The following STAR variants were observed in gnomAD, a reference collection of about 807,000 sequenced individuals.
The protein encoded by STAR is steroidogenic acute regulatory protein, also known as steroidogenic acute regulatory protein, mitochondrial.
STAR carries 32 observed loss-of-function variants against 32.3 expected under a neutral mutation model. The ratio of observed to expected loss-of-function variants is 0.99; its 90% confidence interval spans 0.75 to 1.33. STAR has a LOEUF of 1.33. Ranked by LOEUF, STAR falls within the 40% of genes most tolerant of loss-of-function variation. The pLI is 0.00. For synonymous variants in STAR, 134 were observed against 140.5 expected (o/e 0.95, Z 0.33); for missense variants, 375 against 379.0 (o/e 0.99, Z 0.09).
At chr8:38,149,323 C>T (rs1327740919) in intron 1 of STAR, among the ~76,000 whole-genome samples, 2 of 152,190 alleles carry the variant, frequency 1.3e-5, no homozygotes, top group African/African-American at 2.4e-5. Flanking sequence ...CATGGCTTCT[C>T]GCTCTAAAGG....
At position 38,145,952 on chromosome 8, in the gene STAR, G is replaced by A. The variant is rs1279009413; in HGVS notation, c.650+11C>T. 5 of 1,613,054 alleles carry A rather than the reference G, an allele frequency of 3.1e-6. No homozygotes were observed. Among genetic ancestry groups the A allele is most frequent in the Non-Finnish European group, 4.2e-6 (5 of 1,180,030 alleles). On this transcript the variant is annotated intron_variant, in intron 5 of 6. Coordinates refer to ENST00000276449, the MANE Select transcript of STAR (RefSeq NM_000349.3). ...AGAAGAGGGGGGTTTGGAGCCTGCTGCCCGTATTACCTGATGACACCCTTC... is the reference window on the plus strand; with the variant it reads ...AGAAGAGGGGGGTTTGGAGCCTGCTACCCGTATTACCTGATGACACCCTTC...
intron 1 of STAR, 53 bp from the exon 2 acceptor site, chr8:38,148,807 AC>A: frequency 7.7e-7 from 1 of 1,304,278 alleles, no homozygotes. Flanking sequence ...TTAGAGATGG[AC>A]CACTCCCACC....
Position 38,148,746 on chromosome 8 carries a change from G to A in STAR, c.73C>T (p.Gln25Ter). 1.2e-6 allele frequency: 2 copies of A among 1,613,482 alleles called. No homozygotes were observed. Among genetic ancestry groups the A allele is most frequent in the Non-Finnish European group, 1.7e-6 (2 of 1,179,952 alleles). ...TGGCTGATGGCCATCACAGCCTGTTGCCTCAGCCCTGCAGAAGGGAATAAC... is the reference window on the plus strand; with the variant it reads ...TGGCTGATGGCCATCACAGCCTGTTACCTCAGCCCTGCAGAAGGGAATAAC... ...RHMRNMKGLR[Q>*]QAVMAISQEL... The change falls in exon 2 of 7, where the codon CAA becomes TAA. Residue 25 changes from glutamine (Q) to a stop codon, truncating the protein, a stop_gained. Coordinates refer to ENST00000276449, the MANE Select transcript of STAR (RefSeq NM_000349.3). LOFTEE classifies it high-confidence loss of function.
chr8:38,148,864 G>C (rs1802623419), intron 1 of STAR, 110 bp from the exon 2 acceptor site: 1 of 870,292 alleles, frequency 1.1e-6, no homozygotes. Flanking sequence ...AGAGGGAAGT[G>C]ACTTGCTCAG....
chr8:38,149,384 T>C (rs1264706507), intron 1 of STAR, among the ~76,000 whole-genome samples: 1 of 152,216 alleles, frequency 6.6e-6, no homozygotes, highest in Non-Finnish European at 1.5e-5. Flanking sequence ...GATTGACTTG[T>C]GTACCCTTCA....
In STAR at chr8:38,148,245, C is replaced by G. The variant is rs570705755; in HGVS notation, c.261G>C (p.Leu87Phe). 2 of 1,614,006 alleles carry G rather than the reference C, an allele frequency of 1.2e-6. No individual in the cohort carries two copies. Among genetic ancestry groups the G allele is most frequent in the African/African-American group, 1.3e-5 (1 of 74,924 alleles). Residue 87 changes from leucine to phenylalanine, a missense_variant, in exon 3 of 7, where the codon TTG becomes TTC. Leu to Phe is a conservative substitution (Grantham distance 22). Transcript: ENST00000276449. ...QQGEEAMQKA[L>F]GILSNQEGWK... Reference sequence around the variant, plus strand: ...AGCCCTCTTGGTTGCTAAGGATGCCCAAGGCCTTCTGCATGGCCTCCTCCC... The same window carrying G: ...AGCCCTCTTGGTTGCTAAGGATGCCGAAGGCCTTCTGCATGGCCTCCTCCC...
chr8:38,146,392 C>T lies in STAR; in HGVS notation c.362G>A (p.Arg121Gln), dbSNP rs780044106. ...KVVPDVGKVF[R>Q]LEVVVDQPME... ...GGGCTGGTCCACCACGACCTCCAGCCGGAACACCTTGCCCACATCTGGGAC... is the reference window on the plus strand; with the variant it reads ...GGGCTGGTCCACCACGACCTCCAGCTGGAACACCTTGCCCACATCTGGGAC... The change falls in exon 4 of 7, where the codon CGG becomes CAG. Residue 121 changes from arginine to glutamine, a missense_variant. Arg to Gln is a conservative substitution (Grantham distance 43). Coordinates refer to ENST00000276449, the MANE Select transcript of STAR (RefSeq NM_000349.3). The T allele has an allele frequency of 1.7e-5, 28 of 1,614,030 alleles. No homozygotes were observed. Among genetic ancestry groups the T allele is most frequent in the Admixed American group, 8.3e-5 (5 of 59,992 alleles).
At chr8:38,148,603 G>GC (rs1464015870) in intron 2 of STAR, 38 bp downstream of exon 2, 1 of 1,590,074 alleles carries the variant, frequency 6.3e-7, no homozygotes, top group Admixed American at 1.7e-5. Context: ...GGAACCTCCT[G>GC]CCAGCAGCAC....
At position 38,143,486 on chromosome 8, in the gene STAR, TA is replaced by T. The variant is rs1203738557; in HGVS notation, c.*786del. Among the ~76,000 whole-genome samples, 5 of 152,128 alleles carry T rather than the reference TA, an allele frequency of 3.3e-5. No homozygotes were observed. Among genetic ancestry groups the T allele is most frequent in the African/African-American group, 9.7e-5 (4 of 41,422 alleles). ...CACACCCAGCTAATTTTTTGTATTTTAGTAGAGACGGGGTTTCACCATGTTG... is the reference window on the plus strand; with the variant it reads ...CACACCCAGCTAATTTTTTGTATTTTGTAGAGACGGGGTTTCACCATGTTG... On this transcript the variant is annotated 3_prime_UTR_variant, in exon 7 of 7. Coordinates refer to ENST00000276449, the MANE Select transcript of STAR (RefSeq NM_000349.3).
At position 38,148,818 on chromosome 8, in the gene STAR, C is replaced by G. The variant is rs2070347; in HGVS notation, c.65-64G>C. The G allele has an allele frequency of 0.022, 28,278 of 1,283,506 alleles. 2,084 individuals carry two copies. In the East Asian group the frequency reaches 0.25, roughly 11 times the overall value. The allele number at this position is 1,283,506 out of a possible 1,614,324, so 79.5% of individuals were successfully genotyped here. On this transcript the variant is annotated intron_variant, in intron 1 of 6. Transcript: ENST00000276449. ...CCCCTTAGAGATGGACCACTCCCAC[C>G]CCCTCATCTTGTCTCAAATGAGTAA...
intron 6 of STAR, 179 bp downstream of exon 6, chr8:38,145,043 T>G: frequency 8.0e-7 from 1 of 1,254,120 alleles, no homozygotes. Flanking sequence ...GAGGGGGCCA[T>G]CACAGGCTTT....
rs200095542 is a variant in STAR at position 38,143,316 on chromosome 8, T to TC, written c.*956_*957insG. Among the ~76,000 whole-genome samples the TC allele has an allele frequency of 0.012, 1,887 of 151,142 alleles. 54 individuals carry two copies. Among genetic ancestry groups the TC allele is most frequent in the African/African-American group, 0.043 (1,762 of 41,110 alleles). On this transcript the variant is annotated 3_prime_UTR_variant, in exon 7 of 7. Coordinates refer to ENST00000276449, the MANE Select transcript of STAR (RefSeq NM_000349.3). Reference sequence around the variant, plus strand: ...ATCTACTAGCATAGATTTTTTTTTTTTTTTTTTTGAGATGGAGTCTCACTC... The same window carrying TC: ...ATCTACTAGCATAGATTTTTTTTTTTCTTTTTTTTGAGATGGAGTCTCACTC...
chr8:38,145,101 T>C (rs1585624200), intron 6 of STAR, 121 bp downstream of exon 6: 1 of 1,545,090 alleles, frequency 6.5e-7, no homozygotes, highest in Non-Finnish European at 8.7e-7. Flanking sequence ...CCCTTCCCTG[T>C]CTTACAGCCT....
chr8:38,146,393 G>T lies in STAR; in HGVS notation c.361C>A (p.Arg121=). Residue 121 remains arginine, a synonymous_variant, in exon 4 of 7, where the codon CGG becomes AGG. Transcript: ENST00000276449. ...KVVPDVGKVF[R]LEVVVDQPME... Reference sequence around the variant, plus strand: ...GGCTGGTCCACCACGACCTCCAGCCGGAACACCTTGCCCACATCTGGGACC... The same window carrying T: ...GGCTGGTCCACCACGACCTCCAGCCTGAACACCTTGCCCACATCTGGGACC... 6.2e-7 allele frequency: 1 copy of T among 1,614,026 alleles called. No homozygotes were observed. Among genetic ancestry groups the T allele is most frequent in the East Asian group, 2.2e-5 (1 of 44,878 alleles).
chr8:38,145,504 C>T lies in STAR; in HGVS notation c.651-189G>A, dbSNP rs1585624641. ...AGTTACCAGCTCATCAGAATAAAGGCTGCTTGTAGCTGGAGCAGCCCCTGC... is the reference window on the plus strand; with the variant it reads ...AGTTACCAGCTCATCAGAATAAAGGTTGCTTGTAGCTGGAGCAGCCCCTGC... On this transcript the variant is annotated intron_variant, in intron 5 of 6. Transcript: ENST00000276449. The T allele has an allele frequency of 8.1e-6, 6 of 743,998 alleles. No homozygotes were observed. In the East Asian group the frequency reaches 1.7e-4, roughly 21 times the overall value. 46.1% of individuals were successfully genotyped at this position (743,998 alleles called of 1,614,324 possible). A position where few individuals can be genotyped will look rare whatever the true frequency, so the allele number is the denominator to read the frequency against.
intron 5 of STAR, 142 bp downstream of exon 5, chr8:38,145,821 T>C: frequency 9.6e-7 from 1 of 1,040,870 alleles, no homozygotes; most frequent in Admixed American, 2.1e-5. Context: ...CTTTGGTAAA[T>C]AAGTATCTTC....
At chr8:38,144,682 T>C in intron 6 of STAR, 1 of 1,210,088 alleles carries the variant, frequency 8.3e-7, no homozygotes, top group Non-Finnish European at 1.1e-6. Flanking sequence ...GTTTCCTTCT[T>C]TCTAAAATGA....
At position 38,145,389 on chromosome 8, in the gene STAR, A is replaced by G. The variant is rs144743836; in HGVS notation, c.651-74T>C. 2.4e-4 allele frequency: 381 copies of G among 1,590,082 alleles called. 2 individuals carry two copies. In the African/African-American group the frequency reaches 4.5e-3, roughly 19 times the overall value. On this transcript the variant is annotated intron_variant, in intron 5 of 6. Coordinates refer to ENST00000276449, the MANE Select transcript of STAR (RefSeq NM_000349.3). Reference sequence around the variant, plus strand: ...TGCACTGGCTGCTTACACCAGTACCATAGATAACACGTTTCTACGGTACCT... The same window carrying G: ...TGCACTGGCTGCTTACACCAGTACCGTAGATAACACGTTTCTACGGTACCT...
intron 3 of STAR, 47 bp from the exon 4 acceptor site, chr8:38,146,494 T>G: frequency 6.2e-7 from 1 of 1,601,894 alleles, no homozygotes; most frequent in Non-Finnish European, 8.5e-7. Context: ...AAAAATATTC[T>G]TGGCCGGGCA....
Sources: gnomAD v4.1 joint callset for allele counts (sites outside exome capture counted in the v4.1 genomes callset) on GRCh38, gnomAD v4.1.1 for gene constraint, MANE v1.5 for transcripts, NCBI Gene and HGNC (gene_info 2026-07-23, HGNC 2026-07-21) for gene names.